The following ASCL3 variants were observed in gnomAD, a reference collection of about 807,000 sequenced individuals.
The protein encoded by ASCL3 is achaete-scute family bHLH transcription factor 3, also known as achaete-scute homolog 3.
In ASCL3, 1 loss-of-function variant was observed where a neutral mutation model predicts 2.3. That is an observed-to-expected ratio of 0.44 (90% confidence interval 0.16 to 2.10). The LOEUF is 2.10. ASCL3 is among the 30% of genes most tolerant of loss of function. ASCL3 has a pLI of 0.28. For synonymous variants in ASCL3, 98 were observed against 88.5 expected (o/e 1.11, Z -0.60); for missense variants, 243 against 229.0 (o/e 1.06, Z -0.40).
At position 8,937,798 on chromosome 11, in the gene ASCL3, C is replaced by T. The variant is rs754791960; in HGVS notation, c.364G>A (p.Glu122Lys). 1.9e-6 allele frequency: 3 copies of T among 1,614,130 alleles called. No individual in the cohort carries two copies. Among genetic ancestry groups the T allele is most frequent in the Non-Finnish European group, 2.5e-6 (3 of 1,180,014 alleles). The change falls in exon 2 of 2, where the codon GAG becomes AAG. Residue 122 changes from glutamate to lysine, a missense_variant. Coordinates refer to ENST00000531618, the MANE Select transcript of ASCL3 (RefSeq NM_020646.3). ...CTGAGTCGCTTCTCCAAATACTCCT[C>T]TGGCAGATGATGGCGGAGCTGGGCG... is the stretch of plus-strand genomic sequence containing the variant. The part of the protein sequence containing the change: ...GYAQLRHHLP[E>K]EYLEKRLSKV...
intron 1 of ASCL3, among the ~76,000 whole-genome samples, chr11:8,940,662 A>T (rs1305312374): frequency 1.3e-5 from 2 of 152,134 alleles, no homozygotes; most frequent in Non-Finnish European, 2.9e-5. Context: ...AAAGTGAAAA[A>T]ACTACAGTTG....
chr11:8,939,325 G>GC (rs1297330978), intron 1 of ASCL3, among the ~76,000 whole-genome samples: 1 of 151,660 alleles, frequency 6.6e-6, no homozygotes, highest in East Asian at 1.9e-4. Flanking sequence ...TGCAACCTCT[G>GC]CCCCCCCGGG....
chr11:8,941,328 AACACACACACACATACACACACAC>A lies in ASCL3; in HGVS notation c.-13+1634_-13+1657del, dbSNP rs1257923406. Among the ~76,000 whole-genome samples, 3 of 116,124 alleles carry A rather than the reference AACACACACACACATACACACACAC, an allele frequency of 2.6e-5. No homozygotes were observed. In the East Asian group the frequency reaches 7.1e-4, roughly 28 times the overall value. The allele number at this position is 116,124 out of a possible 152,430, so 76.2% of individuals were successfully genotyped here. On this transcript the variant is annotated intron_variant, in intron 1 of 1. Transcript: ENST00000531618. Reference sequence around the variant, plus strand: ...GTTATTATCTGTGCTTGGCATACTAAACACACACACACATACACACACACACACACACACACACACCAGTCCTAA... The same window carrying A: ...GTTATTATCTGTGCTTGGCATACTAAACACACACACACACACCAGTCCTAA...
chr11:8,938,913 C>T (rs2064693690), intron 1 of ASCL3, among the ~76,000 whole-genome samples: 1 of 151,488 alleles, frequency 6.6e-6, no homozygotes. Context: ...CATCAATCCT[C>T]CTGCCTCAGC....
Position 8,938,096 on chromosome 11 carries a change from G to A in ASCL3, c.66C>T (p.Arg22=), listed in dbSNP as rs1216285867. 4 of 1,613,906 alleles carry A rather than the reference G, an allele frequency of 2.5e-6. No homozygotes were observed. The East Asian group carries it at 6.7e-5, about 27-fold the overall frequency. ...DKLPIFPDSA[R]LPLTRSFYLE... Reference sequence around the variant, plus strand: ...GATAGAAGGACCTGGTCAGTGGCAAGCGGGCAGAATCAGGGAAGATAGGAA... The same window carrying A: ...GATAGAAGGACCTGGTCAGTGGCAAACGGGCAGAATCAGGGAAGATAGGAA... Residue 22 remains arginine, a synonymous_variant, in exon 2 of 2, where the codon CGC becomes CGT. Coordinates refer to ENST00000531618, the MANE Select transcript of ASCL3 (RefSeq NM_020646.3).
At position 8,939,241 on chromosome 11, in the gene ASCL3, C is replaced by CT. The variant is rs528222372; in HGVS notation, c.-12-1069dup. Among the ~76,000 whole-genome samples the CT allele has an allele frequency of 4.2e-4, 64 of 152,012 alleles. 1 individual carries two copies. The East Asian group carries it at 0.012, about 28-fold the overall frequency. On this transcript the variant is annotated intron_variant, in intron 1 of 1. Coordinates refer to ENST00000531618, the MANE Select transcript of ASCL3 (RefSeq NM_020646.3). The stretch of plus-strand genomic sequence containing the variant: ...CATTTATGGTAGCGACATAAAGTTC[C>CT]TTTTTTTCTTTTTTTGAGACAGAGT...
chr11:8,938,584 G>A (rs1442834209), intron 1 of ASCL3, among the ~76,000 whole-genome samples: 1 of 151,972 alleles, frequency 6.6e-6, no homozygotes, highest in Admixed American at 6.6e-5. Context: ...CTGCTTTGAT[G>A]ACCAATTTCT....
chr11:8,942,669 G>T (rs1853719330), intron 1 of ASCL3, among the ~76,000 whole-genome samples: 2 of 152,146 alleles, frequency 1.3e-5, no homozygotes, highest in East Asian at 3.8e-4. Context: ...TTGAATTATG[G>T]AATGTTAGAG....
chr11:8,940,849 A>G (rs1009959207), intron 1 of ASCL3, among the ~76,000 whole-genome samples: 2 of 152,216 alleles, frequency 1.3e-5, no homozygotes, highest in African/African-American at 2.4e-5. Flanking sequence ...GCATTGCATT[A>G]GGTATTATAA....
At chr11:8,941,560 C>T (rs1406738220) in intron 1 of ASCL3, among the ~76,000 whole-genome samples, 1 of 133,342 alleles carries the variant, frequency 7.5e-6, no homozygotes, top group African/African-American at 2.6e-5. Context: ...GGAGGAGTGG[C>T]CAGGGTTAAA....
chr11:8,941,561 C>G (rs1175280987), intron 1 of ASCL3, among the ~76,000 whole-genome samples: 2 of 132,078 alleles, frequency 1.5e-5, no homozygotes, highest in Non-Finnish European at 3.4e-5. Flanking sequence ...GAGGAGTGGC[C>G]AGGGTTAAAG....
At position 8,937,874 on chromosome 11, in the gene ASCL3, C is replaced by T; in HGVS notation, c.288G>A (p.Arg96=). 6.2e-7 allele frequency: 1 copy of T among 1,614,130 alleles called. No homozygotes were observed. Among genetic ancestry groups the T allele is most frequent in the South Asian group, 1.1e-5 (1 of 91,080 alleles). Residue 96 remains arginine, a synonymous_variant, in exon 2 of 2, where the codon CGG becomes CGA. Transcript: ENST00000531618. ...CEYSYGPAFT[R]KRNERERQRV... Reference sequence around the variant, plus strand: ...GCTGCCTTTCCCGCTCATTCCTTTTCCGGGTGAAGGCTGGCCCGTAGGAGT... The same window carrying T: ...GCTGCCTTTCCCGCTCATTCCTTTTTCGGGTGAAGGCTGGCCCGTAGGAGT...
At position 8,937,730 on chromosome 11, in the gene ASCL3, GTAGT is replaced by G; in HGVS notation, c.428_431del (p.Asn143ThrfsTer23). 6.2e-7 allele frequency: 1 copy of G among 1,614,072 alleles called. No homozygotes were observed. The highest frequency in any genetic ancestry group is 8.5e-7 in the Non-Finnish European group (1 of 1,179,984). ...TATCAGGGTACAGAAGAGACTGCAGGTAGTTAATGTACTTGATCGCAGCTCTGAG... is the reference window on the plus strand; with the variant it reads ...TATCAGGGTACAGAAGAGACTGCAGGTAATGTACTTGATCGCAGCTCTGAG... On this transcript the variant is annotated frameshift_variant, in exon 2 of 2. Transcript: ENST00000531618. LOFTEE classifies it low-confidence loss of function (END_TRUNC).
intron 1 of ASCL3, among the ~76,000 whole-genome samples, chr11:8,940,267 G>A (rs1264540639): frequency 6.6e-6 from 1 of 151,728 alleles, no homozygotes; most frequent in African/African-American, 2.4e-5. Context: ...CCAGCCTATA[G>A]TTAAGTTTTG....
chr11:8,939,519 G>A (rs573391344), intron 1 of ASCL3, among the ~76,000 whole-genome samples: 82 of 152,296 alleles, frequency 5.4e-4, no homozygotes, highest in Non-Finnish European at 7.8e-4. Context: ...GATTACAGGT[G>A]TGAGCCACTG....
Position 8,938,107 on chromosome 11 carries a change from C to G in ASCL3, c.55G>C (p.Asp19His). ...CTGGTCAGTGGCAAGCGGGCAGAAT[C>G]AGGGAAGATAGGAAGTTTGTCAGGT... is the stretch of plus-strand genomic sequence containing the variant. ...SLPDKLPIFP[D>H]SARLPLTRSF... Residue 19 changes from aspartate to histidine, a missense_variant, in exon 2 of 2, where the codon GAT (aspartate) becomes CAT (histidine). Transcript: ENST00000531618. The G allele has an allele frequency of 6.2e-7, 1 of 1,612,928 alleles. No individual in the cohort carries two copies. The highest frequency in any genetic ancestry group is 2.2e-5 in the East Asian group (1 of 44,858).
In ASCL3 at chr11:8,937,883, G is replaced by T. The variant is rs779027712; in HGVS notation, c.279C>A (p.Ala93=). The change falls in exon 2 of 2, where the codon GCC becomes GCA. Residue 93 remains alanine (A), a synonymous_variant. Transcript: ENST00000531618. ...CCCGCTCATTCCTTTTCCGGGTGAA[G>T]GCTGGCCCGTAGGAGTACTCGCACC... ...YRGCEYSYGP[A]FTRKRNERER... is the part of the protein sequence containing the mutation. The T allele has an allele frequency of 4.3e-6, 7 of 1,614,030 alleles. No homozygotes were observed. In the South Asian group the frequency reaches 7.7e-5, roughly 18 times the overall value.
chr11:8,938,268 G>C, intron 1 of ASCL3, 95 bp from the exon 2 acceptor site: 1 of 1,181,264 alleles, frequency 8.5e-7, no homozygotes, highest in African/African-American at 1.5e-5. Context: ...TTTATTTTTC[G>C]AGATGGAGTC....
intron 1 of ASCL3, among the ~76,000 whole-genome samples, chr11:8,939,480 C>T (rs2064696256): frequency 6.6e-6 from 1 of 152,088 alleles, no homozygotes; most frequent in Non-Finnish European, 1.5e-5. Flanking sequence ...ACCTCATGAT[C>T]CACCCGCCTT....
Sources: gnomAD v4.1 joint callset for allele counts (sites outside exome capture counted in the v4.1 genomes callset) on GRCh38, gnomAD v4.1.1 for gene constraint, MANE v1.5 for transcripts, NCBI Gene and HGNC (gene_info 2026-07-23, HGNC 2026-07-21) for gene names.